The following NARS2 variants were observed in gnomAD, a reference collection of about 807,000 sequenced individuals.
NARS2 encodes asparaginyl-tRNA synthetase.
In NARS2, 60 loss-of-function variants were observed where a neutral mutation model predicts 62.9. That is an observed-to-expected ratio of 0.95 (90% CI 0.77 to 1.18). The LOEUF (loss-of-function observed/expected upper bound fraction) is 1.18, where lower values mean the gene tolerates loss of function less well. NARS2 is among the 50% of genes most tolerant of loss of function. NARS2 has a pLI of 0.00. For synonymous variants in NARS2, 196 were observed against 200.0 expected, an observed-to-expected ratio of 0.98 and a Z score of 0.17; for missense variants, 619 against 576.4, an observed-to-expected ratio of 1.07 and a Z score of -0.76.
Position 78,478,690 on chromosome 11 carries a change from G to T in NARS2, c.823-7C>A, listed in dbSNP as rs1268837901. The T allele has an allele frequency of 2.5e-6, 4 of 1,573,572 alleles. No homozygotes were observed. Among genetic ancestry groups the T allele is most frequent in the East Asian group, 2.3e-5 (1 of 43,820 alleles). On this transcript the variant is annotated splice_region_variant and splice_polypyrimidine_tract_variant and intron_variant, in intron 7 of 13. Transcript: ENST00000281038. ...TGAACAGTTCCTCTATAACCTAAGA[G>T]AAATGAAATAGAATCACCTGACACG...
chr11:78,468,310 GAA>G (rs764254167), intron 10 of NARS2, among the ~76,000 whole-genome samples: 23 of 67,420 alleles, frequency 3.4e-4, no homozygotes, highest in African/African-American at 1.3e-3. Context: ...CACTAAATCT[GAA>G]AAAAAAAAAA....
At chr11:78,537,700 C>G (rs563053835) in intron 5 of NARS2, among the ~76,000 whole-genome samples, 6 of 152,298 alleles carry the variant, frequency 3.9e-5, no homozygotes, top group Admixed American at 3.3e-4. Flanking sequence ...ACTGAGGAGG[C>G]TGAGGAAGGA....
intron 5 of NARS2, among the ~76,000 whole-genome samples, chr11:78,531,071 A>G (rs1403258216): frequency 4.6e-5 from 7 of 152,166 alleles, no homozygotes; most frequent in Admixed American, 3.3e-4. Flanking sequence ...ACAAAAAGTG[A>G]TATCAGCAAA....
chr11:78,546,539 C>T (rs779151563), intron 5 of NARS2: 4 of 152,210 alleles, frequency 2.6e-5, no homozygotes, highest in African/African-American at 4.8e-5. Flanking sequence ...CAAGGATATA[C>T]ATTCAACAAG....
At chr11:78,553,465 T>C (rs568156309) in intron 5 of NARS2, among the ~76,000 whole-genome samples, 5 of 152,218 alleles carry the variant, frequency 3.3e-5, no homozygotes, top group African/African-American at 1.2e-4. Context: ...ATGTTTGTAT[T>C]TTTAGTAGAG....
chr11:78,566,047 T>C, intron 4 of NARS2, 85 bp downstream of exon 4: 1 of 1,149,662 alleles, frequency 8.7e-7, no homozygotes, highest in Non-Finnish European at 1.2e-6. Flanking sequence ...ACAGACATGT[T>C]AACATCAGGA....
At chr11:78,524,857 T>A (rs1861240660) in intron 6 of NARS2, among the ~76,000 whole-genome samples, 1 of 151,976 alleles carries the variant, frequency 6.6e-6, no homozygotes, top group Admixed American at 6.6e-5. Flanking sequence ...AAATAAAAAA[T>A]AAGCCTGGGA....
chr11:78,444,960 C>T (rs964041983), intron 11 of NARS2, among the ~76,000 whole-genome samples: 3 of 152,002 alleles, frequency 2.0e-5, no homozygotes, highest in African/African-American at 7.2e-5. Flanking sequence ...CTAAGAAAAT[C>T]AGAGATGCAA....
chr11:78,573,304 AAGG>A (rs1310513395), intron 1 of NARS2: 8 of 152,356 alleles, frequency 5.3e-5, no homozygotes, highest in Non-Finnish European at 1.0e-4. Context: ...TGGGATGCCG[AAGG>A]AGGAGGACTG....
chr11:78,468,322 A>AAAAAAAG (rs1479148465), intron 10 of NARS2, among the ~76,000 whole-genome samples: 2 of 148,738 alleles, frequency 1.3e-5, no homozygotes, highest in African/African-American at 2.5e-5. Flanking sequence ...AAAAAAAAAA[A>AAAAAAAG]AAAAAAGAAA....
chr11:78,558,676 T>C (rs1856451951), intron 5 of NARS2: 1 of 152,110 alleles, frequency 6.6e-6, no homozygotes, highest in Non-Finnish European at 1.5e-5. Flanking sequence ...ACTTAAAAAA[T>C]ATCTGCAGTA....
intron 1 of NARS2, chr11:78,573,284 C>T (rs759882136): frequency 3.9e-5 from 6 of 152,248 alleles, no homozygotes; most frequent in Non-Finnish European, 8.8e-5. Context: ...TGCCTGTAAT[C>T]CCAGCATTTT....
chr11:78,465,942 A>T lies in NARS2; in HGVS notation c.1098T>A (p.Val366=), dbSNP rs1244333559. 5 of 1,614,016 alleles carry T rather than the reference A, an allele frequency of 3.1e-6. No homozygotes were observed. In the Admixed American group the frequency reaches 8.3e-5, roughly 27 times the overall value. The change falls in exon 11 of 14, where the codon GTT becomes GTA. Residue 366 remains valine, a synonymous_variant. Transcript: ENST00000281038. ...VKHCGNIPVF[V]INYPLTLKPF... is the part of the protein sequence containing the mutation. ...GCTTGAGTGTTAATGGATAATTAAT[A>T]ACGAAGACAGGTATGTTGCCACAGT...
chr11:78,501,454 T>TA (rs1217330580), intron 6 of NARS2, among the ~76,000 whole-genome samples: 1 of 152,182 alleles, frequency 6.6e-6, no homozygotes, highest in Non-Finnish European at 1.5e-5. Flanking sequence ...ATCCAGACCA[T>TA]ATGCTGAGAA....
chr11:78,544,306 T>C (rs1341856914), intron 5 of NARS2, among the ~76,000 whole-genome samples: 5 of 152,222 alleles, frequency 3.3e-5, no homozygotes, highest in Admixed American at 6.5e-5. Context: ...TTAGAGGGAA[T>C]GTTTCTGGTT....
intron 5 of NARS2, among the ~76,000 whole-genome samples, chr11:78,539,861 A>C (rs1291314193): frequency 6.6e-6 from 1 of 152,192 alleles, no homozygotes; most frequent in African/African-American, 2.4e-5. Context: ...GCATTCATAT[A>C]GTCTATCAAC....
At chr11:78,465,508 C>G (rs1007881763) in intron 11 of NARS2, among the ~76,000 whole-genome samples, 2 of 152,212 alleles carry the variant, frequency 1.3e-5, no homozygotes, top group African/African-American at 4.8e-5. Context: ...GCCTTCCCTC[C>G]TAGGAGTCTC....
Position 78,437,446 on chromosome 11 carries a change from TG to T in NARS2, c.1290-633del, listed in dbSNP as rs1405291177. ...CTTTAATTCTCTGCCTTAGGCCTAG[TG>T]AAGATGCCCAGAGTCATTTAGCTGA... On this transcript the variant is annotated intron_variant, in intron 13 of 13. Transcript: ENST00000281038. 2.6e-5 allele frequency among the ~76,000 whole-genome samples: 4 copies of T among 152,268 alleles called. No individual in the cohort carries two copies. In the East Asian group the frequency reaches 7.7e-4, roughly 29 times the overall value.
chr11:78,571,255 T>G, intron 2 of NARS2, 80 bp downstream of exon 2: 1 of 843,364 alleles, frequency 1.2e-6, no homozygotes, highest in South Asian at 1.5e-5. Context: ...GGGTCCAACG[T>G]AAACACTGGA....
Sources: allele counts gnomAD v4.1 joint callset (sites outside exome capture counted in the v4.1 genomes callset), GRCh38; gene constraint gnomAD v4.1.1; transcripts MANE v1.5; gene names NCBI Gene and HGNC (gene_info 2026-07-23, HGNC 2026-07-21).